VIPR1: variants seen among roughly 807,000 people sequenced by gnomAD.
VIPR1 encodes the protein vasoactive intestinal polypeptide receptor 1.
A neutral mutation model predicts 58.8 loss-of-function variants in VIPR1; 59 were observed. The observed-to-expected ratio is 1.00, with a 90% CI of 0.81 to 1.25. The LOEUF (loss-of-function observed/expected upper bound fraction) is 1.25, where lower values mean the gene tolerates loss of function less well. Ranked by LOEUF, VIPR1 falls within the 50% of genes most tolerant of loss-of-function variation. The pLI is 0.00. For missense variants in VIPR1, 626 were observed against 602.7 expected, an observed-to-expected ratio of 1.04 and a Z score of -0.40; for synonymous variants, 251 against 242.1, an observed-to-expected ratio of 1.04 and a Z score of -0.34.
intron 1 of VIPR1, chr3:42,512,949 G>A (rs1216440545): frequency 1.0e-6 from 1 of 985,320 alleles, no homozygotes; most frequent in African/African-American, 1.7e-5. Flanking sequence ...TCTTCCACAA[G>A]GTCAGTGACC....
chr3:42,493,310 A>G (rs112054281), intron 1 of VIPR1, among the ~76,000 whole-genome samples: 7,133 of 152,040 alleles, frequency 0.047, 229 homozygotes, highest in South Asian at 0.14. Flanking sequence ...GAGGGCAGCC[A>G]CTCTCGAGAG....
intron 2 of VIPR1, among the ~76,000 whole-genome samples, chr3:42,514,750 C>G (rs1700541187): frequency 2.0e-5 from 3 of 152,088 alleles, no homozygotes. Flanking sequence ...CCTCAGGGGG[C>G]TGGGAGAGCC....
At position 42,536,389 on chromosome 3, in the gene VIPR1, G is replaced by A; in HGVS notation, c.*108G>A. 8.1e-7 allele frequency: 1 copy of A among 1,241,576 alleles called. No homozygotes were observed. The highest frequency in any genetic ancestry group is 1.1e-6 in the Non-Finnish European group (1 of 933,840). The allele number at this position is 1,241,576 out of a possible 1,614,324, so 76.9% of individuals were successfully genotyped here. On this transcript the variant is annotated 3_prime_UTR_variant, in exon 13 of 13. Coordinates refer to ENST00000325123, the MANE Select transcript of VIPR1 (RefSeq NM_004624.4). Reference sequence around the variant, plus strand: ...CGGGCGCGGCCAGCCCCGGCCCTGGGCTCGGAGGCTGCCCCCGGCCCCCTG... The same window carrying A: ...CGGGCGCGGCCAGCCCCGGCCCTGGACTCGGAGGCTGCCCCCGGCCCCCTG...
At position 42,535,430 on chromosome 3, in the gene VIPR1, G is replaced by C. The variant is rs755070780; in HGVS notation, c.1182+46G>C. 3.1e-6 allele frequency: 5 copies of C among 1,601,054 alleles called. No homozygotes were observed. In the Admixed American group the frequency reaches 8.3e-5, roughly 27 times the overall value. On this transcript the variant is annotated intron_variant, in intron 12 of 12. Coordinates refer to ENST00000325123, the MANE Select transcript of VIPR1 (RefSeq NM_004624.4). Reference sequence around the variant, plus strand: ...GGGGCTTAGGCAATGGAACTCCCAGGACCAGGGTCCGGAAACATTGGTGGG... The same window carrying C: ...GGGGCTTAGGCAATGGAACTCCCAGCACCAGGGTCCGGAAACATTGGTGGG...
At chr3:42,529,391 G>A (rs1237842652) in intron 6 of VIPR1, 1 of 149,890 alleles carries the variant, frequency 6.7e-6, no homozygotes, top group Non-Finnish European at 1.5e-5. Flanking sequence ...TTTGAACCAA[G>A]GAGGCAGAGG....
At chr3:42,517,068 G>A (rs948914050) in intron 2 of VIPR1, among the ~76,000 whole-genome samples, 62 of 152,200 alleles carry the variant, frequency 4.1e-4, no homozygotes, top group African/African-American at 1.4e-3. Context: ...CAGGTTGGGG[G>A]AAAAGTGGTC....
rs137933510 is a variant in VIPR1, at chr3:42,527,282, C to T, written c.400-111C>T. On this transcript the variant is annotated intron_variant, in intron 4 of 12. Transcript: ENST00000325123. ...CCCCAGACCTCAGCCTCCTCATTTG[C>T]TGAGGCAGGGTTGGGCAGGCAGAGT... is the stretch of plus-strand genomic sequence containing the variant. 1.2e-3 allele frequency: 1,181 copies of T among 995,352 alleles called. 13 individuals are homozygous for T. In the African/African-American group the frequency reaches 0.018, roughly 15 times the overall value. 61.7% of individuals were successfully genotyped at this position (995,352 alleles called of 1,614,324 possible). A position where few individuals can be genotyped will look rare whatever the true frequency, so the allele number is the denominator to read the frequency against.
chr3:42,528,118 G>T lies in VIPR1; in HGVS notation c.631G>T (p.Gly211Cys). ...DSGESDQCSE[G>C]SVGCKAAMVF... is the part of the protein sequence containing the mutation. ...CGGGGAGTCGGACCAGTGCTCCGAG[G>T]GCTCGGTGAGGATCCTGGCCCTGGC... The change falls in exon 6 of 13, where the codon GGC becomes TGC. Residue 211 changes from glycine to cysteine, a missense_variant. Physicochemically the swap from Gly to Cys is radical, Grantham distance 159 (BLOSUM62 -3). Coordinates refer to ENST00000325123, the MANE Select transcript of VIPR1 (RefSeq NM_004624.4). 2 of 1,613,336 alleles carry T rather than the reference G, an allele frequency of 1.2e-6. No individual in the cohort carries two copies. The highest frequency in any genetic ancestry group is 1.7e-6 in the Non-Finnish European group (2 of 1,179,810).
At chr3:42,530,649 G>C in intron 6 of VIPR1, 130 bp from the exon 7 acceptor site, 1 of 1,103,412 alleles carries the variant, frequency 9.1e-7, no homozygotes, top group Non-Finnish European at 1.3e-6. Context: ...TTTTTAAGGG[G>C]ATAATGCAAA....
intron 8 of VIPR1, 64 bp from the exon 9 acceptor site, chr3:42,531,738 AG>A: frequency 1.9e-6 from 3 of 1,602,286 alleles, no homozygotes; most frequent in Non-Finnish European, 2.6e-6. Context: ...CAACTGGGGG[AG>A]GTGCTGCTGA....
rs1320741477 is a variant in VIPR1 at position 42,527,452 on chromosome 3, C to G, written c.459C>G (p.Ser153=). The G allele has an allele frequency of 1.9e-6, 3 of 1,613,994 alleles. No homozygotes were observed. Among genetic ancestry groups the G allele is most frequent in the Non-Finnish European group, 2.5e-6 (3 of 1,179,964 alleles). ...KTGYTIGYGL[S]LATLLVATAI... ...GCTACACCATTGGCTACGGCCTGTC[C>G]CTCGCCACCCTTCTGGTCGCCACAG... The change falls in exon 5 of 13, where the codon TCC becomes TCG. Residue 153 remains serine, a synonymous_variant. Transcript: ENST00000325123.
chr3:42,494,092 G>T (rs971009259), intron 1 of VIPR1, among the ~76,000 whole-genome samples: 2 of 152,234 alleles, frequency 1.3e-5, no homozygotes, highest in Non-Finnish European at 2.9e-5. Flanking sequence ...CCCCAGTGGG[G>T]CAGCCGTGGT....
At chr3:42,524,937 C>T (rs1256999909) in intron 3 of VIPR1, among the ~76,000 whole-genome samples, 1 of 152,152 alleles carries the variant, frequency 6.6e-6, no homozygotes, top group Non-Finnish European at 1.5e-5. Context: ...ACAGGATGTG[C>T]CTAAAGTGCT....
Position 42,527,998 on chromosome 3 carries a change from C to T in VIPR1, c.511C>T (p.His171Tyr). The change falls in exon 6 of 13, where the codon CAC becomes TAC. Residue 171 changes from histidine to tyrosine, a missense_variant. Transcript: ENST00000325123. ...TCTGCCCACCCCACACAGGAAGCTC[C>T]ACTGCACGCGGAACTACATCCACAT... ...TAILSLFRKL[H>Y]CTRNYIHMHL... 1 of 1,613,964 alleles carries T rather than the reference C, an allele frequency of 6.2e-7. No homozygotes were observed. Among genetic ancestry groups the T allele is most frequent in the South Asian group, 1.1e-5 (1 of 91,078 alleles).
intron 3 of VIPR1, among the ~76,000 whole-genome samples, chr3:42,521,126 G>A (rs1577230426): frequency 6.6e-6 from 1 of 152,278 alleles, no homozygotes; most frequent in East Asian, 1.9e-4. Context: ...TGTCCCTGCT[G>A]GAATGTGTCA....
At chr3:42,510,203 C>T (rs1028800229) in intron 1 of VIPR1, among the ~76,000 whole-genome samples, 5 of 152,212 alleles carry the variant, frequency 3.3e-5, no homozygotes, top group Non-Finnish European at 5.9e-5. Flanking sequence ...CCTGTGCACA[C>T]GCTGCTCTAC....
intron 2 of VIPR1, 120 bp downstream of exon 2, chr3:42,513,974 G>C: frequency 8.8e-7 from 1 of 1,142,198 alleles, no homozygotes; most frequent in Non-Finnish European, 1.2e-6. Context: ...GTGAGGAGCG[G>C]CTGGGGAGCC....
intron 1 of VIPR1, among the ~76,000 whole-genome samples, chr3:42,490,542 C>T (rs190846269): frequency 1.3e-5 from 2 of 152,336 alleles, no homozygotes; most frequent in East Asian, 3.9e-4. Context: ...TTCCTTGGCA[C>T]CTGGCCTGGA....
Position 42,535,006 on chromosome 3 carries a change from C to T in VIPR1, c.1042C>T (p.Pro348Ser), listed in dbSNP as rs772278261. The change falls in exon 11 of 13, where the codon CCC becomes TCC. Residue 348 changes from proline to serine, a missense_variant. Pro to Ser is a moderately conservative substitution (Grantham distance 74). Coordinates refer to ENST00000325123, the MANE Select transcript of VIPR1 (RefSeq NM_004624.4). ...RLARSTLLLI[P>S]LFGVHYIMFA... ...AGCCAGGTCCACACTCCTGCTGATC[C>T]CCCTGTTTGGAGTACACTACATCAT... 2.2e-5 allele frequency: 36 copies of T among 1,614,072 alleles called. 1 individual carries two copies. The South Asian group carries it at 3.8e-4, about 17-fold the overall frequency.
Sources: allele counts gnomAD v4.1 joint callset (sites outside exome capture counted in the v4.1 genomes callset), GRCh38; gene constraint gnomAD v4.1.1; transcripts MANE v1.5; gene names NCBI Gene and HGNC (gene_info 2026-07-23, HGNC 2026-07-21).